CDK14: variants seen among roughly 807,000 people sequenced by gnomAD.
CDK14 encodes cyclin-dependent kinase 14.
CDK14 carries 34 observed loss-of-function variants against 60.7 expected under a neutral mutation model. The observed-to-expected ratio is 0.56, with a 90% confidence interval of 0.43 to 0.75. The LOEUF is 0.75. Among genes scored for constraint, CDK14 ranks in the 30% least tolerant of loss-of-function variants. The pLI, the probability that CDK14 is intolerant of heterozygous loss-of-function variation, is 0.00. For synonymous variants in CDK14, 197 were observed against 203.7 expected, an observed-to-expected ratio of 0.97 and a Z score of 0.28; for missense variants, 482 against 564.1, an observed-to-expected ratio of 0.85 and a Z score of 1.47.
intron 8 of CDK14, among the ~76,000 whole-genome samples, chr7:90,950,531 C>T (rs558161470): frequency 2.2e-4 from 34 of 152,146 alleles, no homozygotes; most frequent in African/African-American, 7.9e-4. Flanking sequence ...AAGTAAAATC[C>T]ACTGGGTTTT....
At chr7:90,764,605 T>A (rs184653044) in intron 4 of CDK14, among the ~76,000 whole-genome samples, 4 of 152,288 alleles carry the variant, frequency 2.6e-5, no homozygotes, top group African/African-American at 9.6e-5. Flanking sequence ...ACACTGTTGA[T>A]GTTGGGGAGA....
intron 4 of CDK14, among the ~76,000 whole-genome samples, chr7:90,761,394 A>G (rs1171938091): frequency 6.6e-6 from 1 of 151,652 alleles, no homozygotes; most frequent in Non-Finnish European, 1.5e-5. Context: ...GAAAGTCATT[A>G]TGTGAGGACT....
chr7:90,823,888 A>G (rs1047067611), intron 5 of CDK14, among the ~76,000 whole-genome samples: 7 of 152,194 alleles, frequency 4.6e-5, no homozygotes, highest in African/African-American at 1.7e-4. Context: ...TATATTCTAT[A>G]AAGATGGCAC....
intron 5 of CDK14, 37 bp from the exon 6 acceptor site, chr7:90,863,138 C>T (rs763585257): frequency 8.8e-7 from 1 of 1,136,550 alleles, no homozygotes; most frequent in Non-Finnish European, 1.3e-6. Flanking sequence ...GATTGTTATC[C>T]ACGATAAATT....
At chr7:90,607,340 G>A (rs1483777845) in intron 2 of CDK14, among the ~76,000 whole-genome samples, 2 of 152,198 alleles carry the variant, frequency 1.3e-5, no homozygotes, top group Non-Finnish European at 2.9e-5. Flanking sequence ...ATGCAATAAG[G>A]TGTGGCAACT....
chr7:91,188,759 C>G (rs1294690250), intron 14 of CDK14, among the ~76,000 whole-genome samples: 1 of 152,022 alleles, frequency 6.6e-6, no homozygotes, highest in Non-Finnish European at 1.5e-5. Context: ...AATGTTATAC[C>G]TCAAAATAAG....
At chr7:90,829,346 A>G (rs980639228) in intron 5 of CDK14, among the ~76,000 whole-genome samples, 4 of 152,150 alleles carry the variant, frequency 2.6e-5, no homozygotes, top group Admixed American at 6.5e-5. Flanking sequence ...TCCAAGTCCA[A>G]AGTCCCATCT....
At chr7:90,717,674 A>G (rs1384923884) in intron 2 of CDK14, among the ~76,000 whole-genome samples, 2 of 152,106 alleles carry the variant, frequency 1.3e-5, no homozygotes, top group African/African-American at 2.4e-5. Context: ...AAATATCTCA[A>G]CTCAGAAGGT....
chr7:91,139,576 G>T (rs1231296998), intron 14 of CDK14, among the ~76,000 whole-genome samples: 1 of 152,088 alleles, frequency 6.6e-6, no homozygotes, highest in African/African-American at 2.4e-5. Flanking sequence ...ACTTTAATCT[G>T]TTTTACACTT....
chr7:91,148,952 T>C (rs536781539), intron 14 of CDK14, among the ~76,000 whole-genome samples: 1 of 152,320 alleles, frequency 6.6e-6, no homozygotes, highest in East Asian at 1.9e-4. Context: ...TCAGGGAGAC[T>C]GTGCCCTGGA....
At chr7:91,139,810 CTTTCT>C (rs1554438413) in intron 14 of CDK14, among the ~76,000 whole-genome samples, 3 of 136,116 alleles carry the variant, frequency 2.2e-5, no homozygotes, top group South Asian at 2.4e-4. Flanking sequence ...TTCTTTCTTT[CTTTCT>C]TTTCTTTTCT....
At chr7:90,885,239 G>A (rs540287131) in intron 6 of CDK14, among the ~76,000 whole-genome samples, 18 of 152,050 alleles carry the variant, frequency 1.2e-4, no homozygotes, top group African/African-American at 3.4e-4. Flanking sequence ...CACATTTACA[G>A]TAAAAAGACA....
intron 11 of CDK14, among the ~76,000 whole-genome samples, chr7:91,059,058 A>G (rs896116272): frequency 5.3e-5 from 8 of 152,164 alleles, no homozygotes; most frequent in African/African-American, 1.7e-4. Flanking sequence ...TTGGTAAGCT[A>G]TTAATTATTA....
At chr7:91,049,198 A>G (rs1486859898) in intron 11 of CDK14, among the ~76,000 whole-genome samples, 2 of 152,012 alleles carry the variant, frequency 1.3e-5, no homozygotes, top group African/African-American at 2.4e-5. Context: ...TTTATATTTA[A>G]GGGAAATTAT....
chr7:90,899,251 G>T, intron 6 of CDK14, 40 bp from the exon 7 acceptor site: 1 of 1,457,030 alleles, frequency 6.9e-7, no homozygotes, highest in Non-Finnish European at 9.5e-7. Flanking sequence ...TTATGTTATA[G>T]CCAGAGGGTT....
At chr7:91,147,157 C>CTCTT (rs1447195699) in intron 14 of CDK14, among the ~76,000 whole-genome samples, 2 of 106,022 alleles carry the variant, frequency 1.9e-5, no homozygotes, top group Non-Finnish European at 4.2e-5. Context: ...CTCTCTCTCT[C>CTCTT]TCTCTCACAC....
intron 12 of CDK14, among the ~76,000 whole-genome samples, chr7:91,084,551 C>G (rs961274413): frequency 6.6e-6 from 1 of 152,224 alleles, no homozygotes; most frequent in Non-Finnish European, 1.5e-5. Flanking sequence ...CTCCCACTGC[C>G]CCCAAGAGGT....
At chr7:90,958,988 T>C (rs1054082792) in intron 9 of CDK14, among the ~76,000 whole-genome samples, 5 of 152,164 alleles carry the variant, frequency 3.3e-5, no homozygotes, top group Admixed American at 3.3e-4. Flanking sequence ...TTCTGAGGTG[T>C]AGCTCAGTAT....
At chr7:90,846,957 A>G (rs1469494239) in intron 5 of CDK14, among the ~76,000 whole-genome samples, 3 of 152,186 alleles carry the variant, frequency 2.0e-5, no homozygotes, top group African/African-American at 4.8e-5. Context: ...AGTAGAGGCA[A>G]GCAGGGCCTG....
Sources: gnomAD v4.1 joint callset for allele counts (sites outside exome capture counted in the v4.1 genomes callset) on GRCh38, gnomAD v4.1.1 for gene constraint, MANE v1.5 for transcripts, NCBI Gene and HGNC (gene_info 2026-07-23, HGNC 2026-07-21) for gene names.